Variants in CCDC9 observed in about 807,000 individuals in gnomAD.
CCDC9 encodes coiled-coil domain containing 9, also known as coiled-coil domain-containing protein 9.
A neutral mutation model predicts 65.6 loss-of-function variants in CCDC9; 52 were observed. The ratio of observed to expected loss-of-function variants is 0.79; its 90% confidence interval spans 0.63 to 1.00. The LOEUF (loss-of-function observed/expected upper bound fraction) is 1.00. Ranked by LOEUF, CCDC9 falls within the 50% of genes least tolerant of loss-of-function variation. The pLI, the probability that CCDC9 is intolerant of heterozygous loss-of-function variation, is 0.00. For missense variants in CCDC9, 834 were observed against 757.2 expected (o/e 1.10, Z -1.19); for synonymous variants, 332 against 280.3 (o/e 1.18, Z -1.84).
In CCDC9 at chr19:47,260,835, C is replaced by T. The variant is rs1372090621; in HGVS notation, c.458C>T (p.Ser153Phe). The T allele has an allele frequency of 1.2e-6, 2 of 1,612,250 alleles. No homozygotes were observed. The highest frequency in any genetic ancestry group is 1.7e-6 in the Non-Finnish European group (2 of 1,179,258). Residue 153 changes from serine to phenylalanine, a missense_variant, in exon 5 of 12, where the codon TCC (serine) becomes TTC (phenylalanine). Coordinates refer to ENST00000221922, the MANE Select transcript of CCDC9 (RefSeq NM_015603.3). ...GACACCTCAATCTCTGACCGTAAAT[C>T]CAAGGTAGGAGCTAGGCAGCGCCTG... The part of the protein sequence containing the change: ...AGDTSISDRK[S>F]KEWEERRRQN...
At chr19:47,263,216 C>A (rs985505797) in intron 5 of CCDC9, among the ~76,000 whole-genome samples, 20 of 152,120 alleles carry the variant, frequency 1.3e-4, no homozygotes, top group Non-Finnish European at 4.4e-5. Flanking sequence ...GTTATTACCA[C>A]CACTATGATT....
intron 11 of CCDC9, 39 bp downstream of exon 11, chr19:47,271,226 G>A: frequency 6.2e-7 from 1 of 1,607,328 alleles, no homozygotes; most frequent in Non-Finnish European, 8.5e-7. Context: ...GGCCTGGGGT[G>A]GGGGCTCAGG....
downstream of CCDC9, among the ~76,000 whole-genome samples, chr19:47,274,299 G>C (rs1448861092): frequency 6.6e-6 from 1 of 151,124 alleles, no homozygotes. Flanking sequence ...CCTGACAGGC[G>C]GAGTTAGAGC....
rs2059022589 is a variant in CCDC9, at chr19:47,258,102, GATCGTTTAC to G, written c.-71-225_-71-217del. 2.2e-5 allele frequency: 11 copies of G among 503,032 alleles called. 1 individual carries two copies. The South Asian group carries it at 2.4e-4, about 11-fold the overall frequency. The allele number at this position is 503,032 out of a possible 1,614,324, so 31.2% of individuals were successfully genotyped here. ...AACATCCCCAAGGTGGGTTTGACTA[GATCGTTTAC>G]ATGGGAACTGGGTGAGTCCACAAAG... On this transcript the variant is annotated intron_variant, in intron 1 of 11. Transcript: ENST00000221922.
intron 7 of CCDC9, among the ~76,000 whole-genome samples, chr19:47,265,816 T>C (rs2059078072): frequency 6.9e-6 from 1 of 145,326 alleles, no homozygotes; most frequent in Non-Finnish European, 1.5e-5. Flanking sequence ...GCCTCCCCAG[T>C]AGCTGGGACT....
In CCDC9 at chr19:47,271,175, G is replaced by A; in HGVS notation, c.1179G>A (p.Glu393=). The A allele has an allele frequency of 1.9e-6, 3 of 1,600,392 alleles. No individual in the cohort carries two copies. Among genetic ancestry groups the A allele is most frequent in the Non-Finnish European group, 1.7e-6 (2 of 1,174,622 alleles). The part of the protein sequence containing the change: ...QPTSPETSPK[E]TPMQPPEIPA... ...CTTCCCCCGAGACTTCCCCCAAGGA[G>A]ACACCCATGCAGGTGAGGCTGGGCT... Residue 393 remains glutamate (E), a synonymous_variant, in exon 11 of 12, where the codon GAG becomes GAA. Coordinates refer to ENST00000221922, the MANE Select transcript of CCDC9 (RefSeq NM_015603.3).
At chr19:47,273,215 C>T (rs1234832527), downstream of CCDC9, 1 of 425,774 alleles carries the variant, frequency 2.3e-6, no homozygotes, top group Non-Finnish European at 4.0e-6. Context: ...AGTCTGGGCC[C>T]CGTAAACCGC....
rs1328365430 is a variant in CCDC9 at position 47,264,689 on chromosome 19, C to T, written c.546+3C>T. ...CCGAGTATGAGCGCAACCAGCGGGT[C>T]AGTGGTGCGGGTGTCCCCGAGGCAG... On this transcript the variant is annotated splice_donor_region_variant and intron_variant, in intron 6 of 11. Coordinates refer to ENST00000221922, the MANE Select transcript of CCDC9 (RefSeq NM_015603.3). 1 of 1,604,518 alleles carries T rather than the reference C, an allele frequency of 6.2e-7. No individual in the cohort carries two copies. Among genetic ancestry groups the T allele is most frequent in the African/African-American group, 1.3e-5 (1 of 74,938 alleles).
Position 47,257,342 on chromosome 19 carries a change from C to T in CCDC9, c.-72+733C>T, listed in dbSNP as rs568471660. Among the ~76,000 whole-genome samples, 854 of 145,824 alleles carry T rather than the reference C, an allele frequency of 5.9e-3. 6 individuals carry two copies. The highest frequency in any genetic ancestry group is 9.7e-3 in the South Asian group (45 of 4,618). On this transcript the variant is annotated intron_variant, in intron 1 of 11. Transcript: ENST00000221922. ...AAGAGATGGTAGGGGCGGGTGTAGG[C>T]TGTTGCCTGCGAGCCAGGAGGCGGG...
intron 7 of CCDC9, among the ~76,000 whole-genome samples, chr19:47,265,478 G>A (rs964746792): frequency 6.6e-6 from 1 of 152,098 alleles, no homozygotes; most frequent in Non-Finnish European, 1.5e-5. Flanking sequence ...TGTGAGGGGT[G>A]GGGACCTGGC....
intron 3 of CCDC9, 53 bp from the exon 4 acceptor site, chr19:47,260,268 C>G (rs574694719): frequency 7.5e-7 from 1 of 1,331,242 alleles, no homozygotes; most frequent in Non-Finnish European, 1.1e-6. Flanking sequence ...TCTGGGAGTC[C>G]GTCTGGCAGA....
rs376833190 is a variant in CCDC9 at position 47,260,828 on chromosome 19, C to A, written c.451C>A (p.Arg151Ser). Residue 151 changes from arginine to serine, a missense_variant, in exon 5 of 12, where the codon CGT becomes AGT. Arg to Ser is a moderately radical substitution (Grantham distance 110). Coordinates refer to ENST00000221922, the MANE Select transcript of CCDC9 (RefSeq NM_015603.3). ...AGCTGGAGACACCTCAATCTCTGACCGTAAATCCAAGGTAGGAGCTAGGCA... is the reference window on the plus strand; with the variant it reads ...AGCTGGAGACACCTCAATCTCTGACAGTAAATCCAAGGTAGGAGCTAGGCA... ...SGAGDTSISD[R>S]KSKEWEERRR... The A allele has an allele frequency of 6.2e-7, 1 of 1,612,592 alleles. No individual in the cohort carries two copies. The highest frequency in any genetic ancestry group is 8.5e-7 in the Non-Finnish European group (1 of 1,179,416).
intron 3 of CCDC9, 81 bp from the exon 4 acceptor site, chr19:47,260,240 T>C (rs993569907): frequency 3.0e-6 from 3 of 1,004,104 alleles, no homozygotes; most frequent in Non-Finnish European, 4.6e-6. Context: ...GGGGCCAGAC[T>C]TAGGAGGAGT....
At chr19:47,275,267 C>G, downstream of CCDC9, 2 of 1,543,102 alleles carry the variant, frequency 1.3e-6, no homozygotes, top group Non-Finnish European at 1.7e-6. Context: ...GCCGCCGCCG[C>G]TACAGCGACC....
rs756559161 is a variant in CCDC9 at position 47,264,704 on chromosome 19, C to T, written c.546+18C>T. The T allele has an allele frequency of 1.9e-6, 3 of 1,602,562 alleles. No individual in the cohort carries two copies. The highest frequency in any genetic ancestry group is 4.5e-5 in the East Asian group (2 of 44,376). On this transcript the variant is annotated intron_variant, in intron 6 of 11. Transcript: ENST00000221922. Reference sequence around the variant, plus strand: ...ACCAGCGGGTCAGTGGTGCGGGTGTCCCCGAGGCAGGGCCGAGCTGCCTGG... The same window carrying T: ...ACCAGCGGGTCAGTGGTGCGGGTGTTCCCGAGGCAGGGCCGAGCTGCCTGG...
rs746176928 is a variant in CCDC9, at chr19:47,266,766, G to A, written c.876G>A (p.Glu292=). The part of the protein sequence containing the change: ...HRKPTGQWRR[E]WDAEKTDGMF... ...AGCCCACTGGCCAGTGGAGGCGCGAGTGGGATGCCGAGAAGACCGATGGGA... is the reference window on the plus strand; with the variant it reads ...AGCCCACTGGCCAGTGGAGGCGCGAATGGGATGCCGAGAAGACCGATGGGA... Residue 292 remains glutamate, a synonymous_variant, in exon 8 of 12, where the codon GAG becomes GAA. Coordinates refer to ENST00000221922, the MANE Select transcript of CCDC9 (RefSeq NM_015603.3). 10 of 1,609,498 alleles carry A rather than the reference G, an allele frequency of 6.2e-6. No homozygotes were observed. Among genetic ancestry groups the A allele is most frequent in the Non-Finnish European group, 8.5e-6 (10 of 1,178,050 alleles).
chr19:47,274,841 CGGTCTGCGGGGT>C (rs2059146244), downstream of CCDC9: 1 of 893,636 alleles, frequency 1.1e-6, no homozygotes, highest in Non-Finnish European at 1.3e-6. Context: ...GAGAGCGGGG[CGGTCTGCGGGGT>C]GGGGGCGGGG....
chr19:47,267,929 C>T (rs533166416), intron 8 of CCDC9, among the ~76,000 whole-genome samples: 40 of 152,118 alleles, frequency 2.6e-4, no homozygotes, highest in Middle Eastern at 6.8e-3. Flanking sequence ...CTCACTGCAA[C>T]CTCCGCCTCC....
chr19:47,262,996 AGCAGGATCACTTGGGAGGCTGAGCCT>A (rs1388980318), intron 5 of CCDC9, among the ~76,000 whole-genome samples: 1 of 151,832 alleles, frequency 6.6e-6, no homozygotes, highest in Non-Finnish European at 1.5e-5. Flanking sequence ...AGGCTGAGCC[AGCAGGATCACTTGGGAGGCTGAGCCT>A]GGGAGGTCAA....
Sources: gnomAD v4.1 joint callset for allele counts (sites outside exome capture counted in the v4.1 genomes callset) on GRCh38, gnomAD v4.1.1 for gene constraint, MANE v1.5 for transcripts, NCBI Gene and HGNC (gene_info 2026-07-23, HGNC 2026-07-21) for gene names.